The following DLG2 variants were observed in gnomAD, a reference collection of about 807,000 sequenced individuals.
The protein encoded by DLG2 is disks large homolog 2.
DLG2 carries 45 observed loss-of-function variants against 132.5 expected under a neutral mutation model. The observed-to-expected ratio is 0.34, with a 90% CI of 0.27 to 0.44. DLG2 has a LOEUF of 0.44. DLG2 is among the 20% of genes least tolerant of loss of function. The probability of loss-of-function intolerance (pLI) is 1.00; values close to 1 mark genes in which losing one functional copy is unlikely to be tolerated. For missense variants in DLG2, 1,045 were observed against 1,196.9 expected, an observed-to-expected ratio of 0.87 and a Z score of 1.87; for synonymous variants, 424 against 419.6, an observed-to-expected ratio of 1.01 and a Z score of -0.13.
intron 6 of DLG2, among the ~76,000 whole-genome samples, chr11:85,032,752 AG>A (rs1167352997): frequency 1.3e-5 from 2 of 152,204 alleles, no homozygotes; most frequent in Non-Finnish European, 2.9e-5. Flanking sequence ...AAGAAAAAAA[AG>A]AAAAACTGGA....
intron 16 of DLG2, among the ~76,000 whole-genome samples, chr11:83,851,671 C>T (rs1397428080): frequency 1.3e-5 from 2 of 151,370 alleles, no homozygotes; most frequent in African/African-American, 4.9e-5. Flanking sequence ...CCTGTAATCC[C>T]AGCACTTTGG....
intron 6 of DLG2, among the ~76,000 whole-genome samples, chr11:84,680,472 T>A (rs1334044604): frequency 2.0e-5 from 3 of 152,102 alleles, no homozygotes; most frequent in Non-Finnish European, 4.4e-5. Flanking sequence ...TACATGCTGG[T>A]CCTCTCAGAA....
chr11:84,529,046 A>C (rs1340039022), intron 7 of DLG2, among the ~76,000 whole-genome samples: 2 of 152,218 alleles, frequency 1.3e-5, no homozygotes, highest in African/African-American at 4.8e-5. Flanking sequence ...AAAATTGGCC[A>C]ACCTTAAAAC....
chr11:83,999,844 C>T (rs7942041), intron 11 of DLG2, among the ~76,000 whole-genome samples: 11,003 of 151,814 alleles, frequency 0.072, 1,161 homozygotes, highest in African/African-American at 0.24. Context: ...CAACCAACAC[C>T]ATAGATACAT....
chr11:83,708,483 G>C (rs1165742590), intron 18 of DLG2, among the ~76,000 whole-genome samples: 1 of 152,146 alleles, frequency 6.6e-6, no homozygotes, highest in South Asian at 2.1e-4. Context: ...ACCTATGAAA[G>C]GTGTGAAGCC....
intron 18 of DLG2, among the ~76,000 whole-genome samples, chr11:83,751,868 T>C (rs1047114176): frequency 1.3e-5 from 2 of 152,196 alleles, no homozygotes; most frequent in South Asian, 4.1e-4. Flanking sequence ...TTTGGAGAGT[T>C]GTTCCAGTGT....
rs530136943 is a variant in DLG2 at position 85,492,930 on chromosome 11, A to G, written c.40+105727T>C. 3.9e-5 allele frequency among the ~76,000 whole-genome samples: 6 copies of G among 152,226 alleles called. No individual in the cohort carries two copies. In the South Asian group the frequency reaches 1.2e-3, roughly 32 times the overall value. On this transcript the variant is annotated intron_variant, in intron 3 of 27. Coordinates refer to ENST00000376104, the MANE Select transcript of DLG2 (RefSeq NM_001142699.3). ...TAAATTAAAAGTCACAACATCAGAC[A>G]TTTCAAGCTGAAGATGCTGATTTTT...
At chr11:84,488,906 T>C (rs1443307041) in intron 7 of DLG2, among the ~76,000 whole-genome samples, 1 of 152,226 alleles carries the variant, frequency 6.6e-6, no homozygotes. Flanking sequence ...GGCATAAAGA[T>C]GTGCTGCCTC....
At chr11:85,430,227 A>G (rs1463807595) in intron 3 of DLG2, among the ~76,000 whole-genome samples, 1 of 151,198 alleles carries the variant, frequency 6.6e-6, no homozygotes, top group Non-Finnish European at 1.5e-5. Flanking sequence ...GGGGAGGGAT[A>G]GCATTAGGAG....
chr11:84,759,998 C>T (rs1283143096), intron 6 of DLG2, among the ~76,000 whole-genome samples: 2 of 152,034 alleles, frequency 1.3e-5, no homozygotes, highest in African/African-American at 2.4e-5. Context: ...ACTCTTTACA[C>T]GAAGGAAGAA....
chr11:85,223,417 T>C (rs2074781653), intron 4 of DLG2, among the ~76,000 whole-genome samples: 1 of 152,072 alleles, frequency 6.6e-6, no homozygotes. Context: ...TGCAGATGGC[T>C]TGAGTCCAGG....
intron 11 of DLG2, among the ~76,000 whole-genome samples, chr11:84,005,901 C>G (rs189577723): frequency 1.4e-4 from 21 of 151,856 alleles, no homozygotes; most frequent in Admixed American, 1.2e-3. Context: ...CCATTTGCCA[C>G]TATGGACAAT....
chr11:85,111,822 T>G, intron 5 of DLG2, 87 bp from the exon 6 acceptor site: 1 of 969,704 alleles, frequency 1.0e-6, no homozygotes, highest in Non-Finnish European at 1.5e-6. Flanking sequence ...TATCAATATG[T>G]TTATTACCTT....
At chr11:84,650,863 G>GTATATATATATATATATA (rs1417830252) in intron 6 of DLG2, among the ~76,000 whole-genome samples, 11 of 92,210 alleles carry the variant, frequency 1.2e-4, no homozygotes, top group African/African-American at 3.6e-4. Flanking sequence ...GTGTGTGTGT[G>GTATATATATATATATATA]TGTGTGTGTG....
chr11:85,047,387 A>G lies in DLG2; in HGVS notation c.357+64274T>C, dbSNP rs569695958. Among the ~76,000 whole-genome samples, 3 of 152,072 alleles carry G rather than the reference A, an allele frequency of 2.0e-5. No individual in the cohort carries two copies. The South Asian group carries it at 6.2e-4, about 31-fold the overall frequency. ...AATAAGACAAGAACATTTCAATTTT[A>G]AGACTCCTTTAAAAATTGAAATCCA... is the stretch of plus-strand genomic sequence containing the variant. On this transcript the variant is annotated intron_variant, in intron 6 of 27. Transcript: ENST00000376104.
chr11:84,181,075 G>C (rs1008323222), intron 8 of DLG2, among the ~76,000 whole-genome samples: 1 of 151,236 alleles, frequency 6.6e-6, no homozygotes, highest in Non-Finnish European at 1.5e-5. Flanking sequence ...ATAATAATAG[G>C]AATAATGCAT....
chr11:84,470,919 A>G (rs1009416533), intron 7 of DLG2, among the ~76,000 whole-genome samples: 9 of 151,874 alleles, frequency 5.9e-5, no homozygotes, highest in South Asian at 4.1e-4. Context: ...TTTTCAGGAC[A>G]AAGATGGGCA....
chr11:84,463,079 C>A (rs72943712), intron 7 of DLG2, among the ~76,000 whole-genome samples: 2,822 of 151,216 alleles, frequency 0.019, 39 homozygotes, highest in South Asian at 0.036. Flanking sequence ...TGAGCCAGCA[C>A]CTTTGACTTA....
At chr11:85,376,287 T>C (rs185749115) in intron 3 of DLG2, among the ~76,000 whole-genome samples, 64 of 152,274 alleles carry the variant, frequency 4.2e-4, no homozygotes, top group African/African-American at 1.5e-3. Context: ...AGTATTTGAA[T>C]TTGGGCCTTG....
Sources: gnomAD v4.1 joint callset for allele counts (sites outside exome capture counted in the v4.1 genomes callset) on GRCh38, gnomAD v4.1.1 for gene constraint, MANE v1.5 for transcripts, NCBI Gene and HGNC (gene_info 2026-07-23, HGNC 2026-07-21) for gene names.